KIRREL3: variants seen among roughly 807,000 people sequenced by gnomAD.
KIRREL3 encodes kin of IRRE-like protein 3.
KIRREL3 carries 36 observed loss-of-function variants against 89.7 expected under a neutral mutation model. That is an observed-to-expected ratio of 0.40 (90% confidence interval 0.31 to 0.53). The LOEUF (loss-of-function observed/expected upper bound fraction) is 0.53, where lower values mean the gene tolerates loss of function less well. Ranked by LOEUF, KIRREL3 falls within the 20% of genes least tolerant of loss-of-function variation. The pLI, the probability that KIRREL3 is intolerant of heterozygous loss-of-function variation, is 0.49. For synonymous variants in KIRREL3, 445 were observed against 441.4 expected, an observed-to-expected ratio of 1.01 and a Z score of -0.10; for missense variants, 864 against 1,056.6, an observed-to-expected ratio of 0.82 and a Z score of 2.53.
rs574048335 is a variant in KIRREL3 at position 126,909,225 on chromosome 11, G to T, written c.55+91230C>A. Among the ~76,000 whole-genome samples, 25 of 152,182 alleles carry T rather than the reference G, an allele frequency of 1.6e-4. No individual in the cohort carries two copies. The highest frequency in any genetic ancestry group is 3.1e-4 in the Non-Finnish European group (21 of 68,008). On this transcript the variant is annotated intron_variant, in intron 1 of 16. Transcript: ENST00000525144. This position sits in a 1 kb window ranked among gnomAD's most constrained non-coding sequence, Gnocchi z 4.5. ...TCTCAGGCAGGGAAGGAATGGGGTCGGAGAGGGAGGAGTTCATGGGAGGTG... is the reference window on the plus strand; with the variant it reads ...TCTCAGGCAGGGAAGGAATGGGGTCTGAGAGGGAGGAGTTCATGGGAGGTG...
chr11:126,581,966 T>G lies in KIRREL3; in HGVS notation c.56-19054A>C, dbSNP rs556870238. ...ATCCCTAGTTACACAAGGGCATGTA[T>G]TCATTGTTCCATTCCACAGATGGGA... On this transcript the variant is annotated intron_variant, in intron 1 of 16. Coordinates refer to ENST00000525144, the MANE Select transcript of KIRREL3 (RefSeq NM_032531.4). 3.9e-5 allele frequency among the ~76,000 whole-genome samples: 6 copies of G among 152,286 alleles called. No individual in the cohort carries two copies. The South Asian group carries it at 1.2e-3, about 32-fold the overall frequency.
At position 126,605,948 on chromosome 11, in the gene KIRREL3, G is replaced by C. The variant is rs1942871813; in HGVS notation, c.56-43036C>G. ...CTCTGCCTCAGGGAAGTGACACACA[G>C]AATGGCCCCTTTGGCAGGGAGCAGT... On this transcript the variant is annotated intron_variant, in intron 1 of 16. Coordinates refer to ENST00000525144, the MANE Select transcript of KIRREL3 (RefSeq NM_032531.4). This position sits in a 1 kb window ranked among gnomAD's most constrained non-coding sequence, Gnocchi z 5.7. Among the ~76,000 whole-genome samples the C allele has an allele frequency of 6.6e-6, 1 of 152,244 alleles. No individual in the cohort carries two copies. Among genetic ancestry groups the C allele is most frequent in the African/African-American group, 2.4e-5 (1 of 41,462 alleles).
rs1950020202 is a variant in KIRREL3, at chr11:126,991,025, CG to C, written c.55+9429del. Among the ~76,000 whole-genome samples, 1 of 152,170 alleles carries C rather than the reference CG, an allele frequency of 6.6e-6. No individual in the cohort carries two copies. The highest frequency in any genetic ancestry group is 2.4e-5 in the African/African-American group (1 of 41,436). ...GTGGACTGTCACACTGCACCAGAGC[CG>C]AGTCACCTGTGACATTTGCAGGTGA... On this transcript the variant is annotated intron_variant, in intron 1 of 16. Coordinates refer to ENST00000525144, the MANE Select transcript of KIRREL3 (RefSeq NM_032531.4). This position sits in a 1 kb window ranked among gnomAD's most constrained non-coding sequence, Gnocchi z 5.8.
rs545883484 is a variant in KIRREL3, at chr11:126,610,514, T to C, written c.56-47602A>G. The C allele has an allele frequency of 2.0e-4, 31 of 152,330 alleles. No homozygotes were observed. Among genetic ancestry groups the C allele is most frequent in the African/African-American group, 7.5e-4 (31 of 41,568 alleles). 9.4% of individuals were successfully genotyped at this position (152,330 alleles called of 1,614,324 possible). On this transcript the variant is annotated intron_variant, in intron 1 of 16. Transcript: ENST00000525144. This position sits in a 1 kb window ranked among gnomAD's most constrained non-coding sequence, Gnocchi z 4.6. Reference sequence around the variant, plus strand: ...TAACCTGGCCCAGCCTGCAACCTCATGGGAATGTGGGATAATGAGAGAGAA... The same window carrying C: ...TAACCTGGCCCAGCCTGCAACCTCACGGGAATGTGGGATAATGAGAGAGAA...
chr11:126,424,200 T>G lies in KIRREL3; in HGVS notation c.*380A>C. 3.5e-6 allele frequency: 1 copy of G among 285,514 alleles called. No individual in the cohort carries two copies. The allele number at this position is 285,514 out of a possible 1,614,324, so 17.7% of individuals were successfully genotyped here. ...GGTAGAGCTTCTGGTCAGCGAGGGG[T>G]AGAGCCCACAGAGAGACCAGAGAGT... is the stretch of plus-strand genomic sequence containing the variant. On this transcript the variant is annotated 3_prime_UTR_variant, in exon 17 of 17. Coordinates refer to ENST00000525144, the MANE Select transcript of KIRREL3 (RefSeq NM_032531.4).
chr11:126,669,689 T>G lies in KIRREL3; in HGVS notation c.56-106777A>C, dbSNP rs1185040949. Among the ~76,000 whole-genome samples the G allele has an allele frequency of 6.6e-6, 1 of 152,166 alleles. No individual in the cohort carries two copies. The highest frequency in any genetic ancestry group is 2.4e-5 in the African/African-American group (1 of 41,442). On this transcript the variant is annotated intron_variant, in intron 1 of 16. Transcript: ENST00000525144. This position sits in a 1 kb window ranked among gnomAD's most constrained non-coding sequence, Gnocchi z 5.0. ...CTGCACTTCCTCGTGGGCTTTTCTC[T>G]CTTCTCCATTTACATTTTTCTCTCA...
rs1371227983 is a variant in KIRREL3, at chr11:126,564,660, T to C, written c.56-1748A>G. On this transcript the variant is annotated intron_variant, in intron 1 of 16. Coordinates refer to ENST00000525144, the MANE Select transcript of KIRREL3 (RefSeq NM_032531.4). The surrounding 1 kb of genome is among the most constrained non-coding windows in gnomAD (Gnocchi z 7.4). Reference sequence around the variant, plus strand: ...GTTCCCTCATTCAAGGCCTTGGCCCTTTCTTCAGGGGCTCCTGCTCTGTCG... The same window carrying C: ...GTTCCCTCATTCAAGGCCTTGGCCCCTTCTTCAGGGGCTCCTGCTCTGTCG... Among the ~76,000 whole-genome samples the C allele has an allele frequency of 6.6e-6, 1 of 152,196 alleles. No individual in the cohort carries two copies. Among genetic ancestry groups the C allele is most frequent in the African/African-American group, 2.4e-5 (1 of 41,446 alleles).
At chr11:126,451,044 AGCATGTGCATGTGTGCAT>A (rs1303195148) in intron 7 of KIRREL3, among the ~76,000 whole-genome samples, 62 of 118,144 alleles carry the variant, frequency 5.2e-4, no homozygotes, top group African/African-American at 1.2e-3. Context: ...TACATGTGTG[AGCATGTGCATGTGTGCAT>A]GCATGTGCAT....
At chr11:126,657,270 A>C (rs192758035) in intron 1 of KIRREL3, among the ~76,000 whole-genome samples, 449 of 149,296 alleles carry the variant, frequency 3.0e-3, no homozygotes, top group African/African-American at 3.9e-3. Context: ...ATAAATAAAT[A>C]AATAAATAAA....
rs1259140262 is a variant in KIRREL3, at chr11:126,622,062, G to A, written c.56-59150C>T. ...CTGCCCATGGGCTGGGTGAATGGTG[G>A]TGGGTGTGGTAATGGGGCATTGCCA... On this transcript the variant is annotated intron_variant, in intron 1 of 16. Transcript: ENST00000525144. This position sits in a 1 kb window ranked among gnomAD's most constrained non-coding sequence, Gnocchi z 5.2. Among the ~76,000 whole-genome samples, 1 of 152,176 alleles carries A rather than the reference G, an allele frequency of 6.6e-6. No homozygotes were observed. The highest frequency in any genetic ancestry group is 1.5e-5 in the Non-Finnish European group (1 of 68,044).
At chr11:126,960,658 C>CA (rs1949057423) in intron 1 of KIRREL3, among the ~76,000 whole-genome samples, 1 of 152,168 alleles carries the variant, frequency 6.6e-6, no homozygotes, top group Non-Finnish European at 1.5e-5. Context: ...GACAACTAAG[C>CA]AAAAAATTCA....
Position 126,609,294 on chromosome 11 carries a change from G to C in KIRREL3, c.56-46382C>G, listed in dbSNP as rs964619897. On this transcript the variant is annotated intron_variant, in intron 1 of 16. Coordinates refer to ENST00000525144, the MANE Select transcript of KIRREL3 (RefSeq NM_032531.4). This position sits in a 1 kb window ranked among gnomAD's most constrained non-coding sequence, Gnocchi z 5.0. ...GTCTCTCCTTAGCCTCTTGCAGAGA[G>C]GGCTAATGTATGTCTTCCCCCCGGG... Among the ~76,000 whole-genome samples the C allele has an allele frequency of 6.6e-6, 1 of 152,182 alleles. No individual in the cohort carries two copies. Among genetic ancestry groups the C allele is most frequent in the East Asian group, 1.9e-4 (1 of 5,194 alleles).
intron 1 of KIRREL3, among the ~76,000 whole-genome samples, chr11:126,675,011 C>T (rs1016733239): frequency 6.6e-6 from 1 of 152,216 alleles, no homozygotes; most frequent in Non-Finnish European, 1.5e-5. Flanking sequence ...GGGCTCTTGG[C>T]TCTACTGGGC....
Position 126,837,970 on chromosome 11 carries a change from G to A in KIRREL3, c.55+162485C>T, listed in dbSNP as rs1000102371. On this transcript the variant is annotated intron_variant, in intron 1 of 16. Coordinates refer to ENST00000525144, the MANE Select transcript of KIRREL3 (RefSeq NM_032531.4). The surrounding 1 kb of genome is among the most constrained non-coding windows in gnomAD (Gnocchi z 4.7). ...GATTTATCATTATCTTGGGTTATTTGGAATTCACGTTATTTATATTACTAA... is the reference window on the plus strand; with the variant it reads ...GATTTATCATTATCTTGGGTTATTTAGAATTCACGTTATTTATATTACTAA... Among the ~76,000 whole-genome samples the A allele has an allele frequency of 6.6e-6, 1 of 152,050 alleles. No homozygotes were observed. The highest frequency in any genetic ancestry group is 2.4e-5 in the African/African-American group (1 of 41,376).
Position 126,917,510 on chromosome 11 carries a change from C to A in KIRREL3, c.55+82945G>T, listed in dbSNP as rs760581135. 7.9e-5 allele frequency among the ~76,000 whole-genome samples: 12 copies of A among 152,096 alleles called. No individual in the cohort carries two copies. Among genetic ancestry groups the A allele is most frequent in the Non-Finnish European group, 1.0e-4 (7 of 68,022 alleles). ...AAATTAAAAAAAAACAAGGAAAAACCTGCAAACAACAAAAATCTTTCCAAA... is the reference window on the plus strand; with the variant it reads ...AAATTAAAAAAAAACAAGGAAAAACATGCAAACAACAAAAATCTTTCCAAA... On this transcript the variant is annotated intron_variant, in intron 1 of 16. Transcript: ENST00000525144. The surrounding 1 kb of genome is among the most constrained non-coding windows in gnomAD (Gnocchi z 5.0).
rs12278970 is a variant in KIRREL3 at position 126,541,099 on chromosome 11, G to A, written c.134-14412C>T. ...TGCCCATCAACCCCTCTCAGAGGGC[G>A]TCAGCGTGGGCACCACCAGGAGAGG... On this transcript the variant is annotated intron_variant, in intron 2 of 16. Transcript: ENST00000525144. The surrounding 1 kb of genome is among the most constrained non-coding windows in gnomAD (Gnocchi z 4.8). 0.054 allele frequency among the ~76,000 whole-genome samples: 8,169 copies of A among 152,260 alleles called. 640 individuals carry two copies. The highest frequency in any genetic ancestry group is 0.18 in the African/African-American group (7,310 of 41,524).
intron 4 of KIRREL3, among the ~76,000 whole-genome samples, chr11:126,510,013 A>G (rs1326080398): frequency 7.2e-6 from 1 of 138,182 alleles, no homozygotes; most frequent in South Asian, 2.3e-4. Flanking sequence ...AAAAAAAAAA[A>G]AAAAAGAAAA....
intron 1 of KIRREL3, among the ~76,000 whole-genome samples, chr11:126,706,531 T>C (rs919651843): frequency 6.6e-6 from 1 of 152,232 alleles, no homozygotes; most frequent in African/African-American, 2.4e-5. Flanking sequence ...ATAAATGACA[T>C]GTAAATTTAA....
intron 1 of KIRREL3, among the ~76,000 whole-genome samples, chr11:126,586,363 T>C (rs1043097448): frequency 2.0e-5 from 3 of 152,148 alleles, no homozygotes; most frequent in Admixed American, 1.3e-4. Context: ...TCGGACTGGA[T>C]AGTTACCTTC....
Sources: allele counts gnomAD v4.1 joint callset (sites outside exome capture counted in the v4.1 genomes callset), GRCh38; gene constraint gnomAD v4.1.1; non-coding constraint Gnocchi (gnomAD v3.1); transcripts MANE v1.5; gene names NCBI Gene and HGNC (gene_info 2026-07-23, HGNC 2026-07-21).